LINGO2: variants seen among roughly 807,000 people sequenced by gnomAD.
LINGO2 encodes the protein leucine rich repeat and Ig domain containing 2.
A neutral mutation model predicts 30.6 loss-of-function variants in LINGO2; 14 were observed. The observed-to-expected ratio is 0.46, with a 90% CI of 0.30 to 0.72. The LOEUF (loss-of-function observed/expected upper bound fraction) is 0.72, where lower values mean the gene tolerates loss of function less well. Among genes scored for constraint, LINGO2 ranks in the 30% least tolerant of loss-of-function variants. The pLI is 0.07. For synonymous variants in LINGO2, 317 were observed against 288.5 expected, an observed-to-expected ratio of 1.10 and a Z score of -1.00; for missense variants, 729 against 751.7, an observed-to-expected ratio of 0.97 and a Z score of 0.35.
chr9:28,861,437 T>C, the LINGO2 span, among the ~76,000 whole-genome samples: 1 of 146,172 alleles, frequency 6.8e-6, no homozygotes, highest in African/African-American at 2.5e-5. Context: ...TAAACATATC[T>C]ATTCTCATAT....
chr9:28,551,913 C>G (rs1421558852), intron 1 of LINGO2, among the ~76,000 whole-genome samples: 2 of 151,998 alleles, frequency 1.3e-5, no homozygotes, highest in African/African-American at 2.4e-5. Context: ...GATATAAGCA[C>G]TATTTACAGG....
At chr9:28,986,121 TC>T in the LINGO2 span, among the ~76,000 whole-genome samples, 3 of 152,228 alleles carry the variant, frequency 2.0e-5, no homozygotes, top group South Asian at 6.2e-4. Context: ...GCTATATTAT[TC>T]TTTTTATGTG....
At chr9:28,356,997 T>C (rs148350160) in intron 3 of LINGO2, among the ~76,000 whole-genome samples, 1 of 152,104 alleles carries the variant, frequency 6.6e-6, no homozygotes, top group South Asian at 2.1e-4. Flanking sequence ...ATTATTTAAA[T>C]ATACATATCT....
At chr9:29,036,705 C>A in the LINGO2 span, among the ~76,000 whole-genome samples, 1 of 151,800 alleles carries the variant, frequency 6.6e-6, no homozygotes, top group African/African-American at 2.4e-5. Context: ...AAAAAATATG[C>A]CTTTTTATTT....
At chr9:28,097,479 T>C (rs551107909) in intron 4 of LINGO2, among the ~76,000 whole-genome samples, 1 of 145,196 alleles carries the variant, frequency 6.9e-6, no homozygotes, top group Non-Finnish European at 1.5e-5. Flanking sequence ...ATGTGGCACA[T>C]ATACACCATG....
At chr9:28,561,067 C>T (rs1823029914) in intron 1 of LINGO2, among the ~76,000 whole-genome samples, 1 of 152,024 alleles carries the variant, frequency 6.6e-6, no homozygotes, top group South Asian at 2.1e-4. Context: ...GCCAGCTCTT[C>T]TGTTGAAATT....
intron 4 of LINGO2, among the ~76,000 whole-genome samples, chr9:28,065,511 G>A (rs1294025646): frequency 1.3e-5 from 2 of 152,082 alleles, no homozygotes; most frequent in African/African-American, 4.8e-5. Flanking sequence ...TGGATGTTTA[G>A]TACCTTTTTA....
At chr9:28,805,569 T>C in the LINGO2 span, among the ~76,000 whole-genome samples, 1 of 152,190 alleles carries the variant, frequency 6.6e-6, no homozygotes, top group African/African-American at 2.4e-5. Context: ...TAAATTCCAA[T>C]CCATCTTGTG....
intron 5 of LINGO2, among the ~76,000 whole-genome samples, chr9:27,961,311 C>T (rs765626192): frequency 2.6e-5 from 4 of 152,122 alleles, no homozygotes; most frequent in African/African-American, 4.8e-5. Flanking sequence ...ATATCTTCAT[C>T]GCAGTCAACT....
chr9:29,190,881 G>A, the LINGO2 span, among the ~76,000 whole-genome samples: 1 of 152,092 alleles, frequency 6.6e-6, no homozygotes, highest in Non-Finnish European at 1.5e-5. Flanking sequence ...GTGATTTCCA[G>A]TGCTAATCAT....
chr9:28,542,265 T>C (rs1202496065), intron 1 of LINGO2, among the ~76,000 whole-genome samples: 3 of 151,316 alleles, frequency 2.0e-5, no homozygotes, highest in Non-Finnish European at 4.4e-5. Flanking sequence ...ATAGGTAAGG[T>C]AGATCCTGAA....
the LINGO2 span, among the ~76,000 whole-genome samples, chr9:28,881,372 C>T: frequency 2.0e-5 from 3 of 152,200 alleles, no homozygotes; most frequent in Admixed American, 6.5e-5. Context: ...GATCCACCCG[C>T]CTCAGCCTCC....
chr9:28,082,759 CTCTT>C (rs1367198710), intron 4 of LINGO2, among the ~76,000 whole-genome samples: 1 of 152,276 alleles, frequency 6.6e-6, no homozygotes, highest in East Asian at 1.9e-4. Flanking sequence ...CTCTCTGGAT[CTCTT>C]TCTCTCCCTC....
intron 3 of LINGO2, among the ~76,000 whole-genome samples, chr9:28,372,297 A>G (rs915652679): frequency 6.6e-6 from 1 of 152,234 alleles, no homozygotes; most frequent in South Asian, 2.1e-4. Context: ...AAAGCTAAGG[A>G]TATATTTCTC....
chr9:28,858,914 C>T, the LINGO2 span, among the ~76,000 whole-genome samples: 1 of 151,938 alleles, frequency 6.6e-6, no homozygotes, highest in Non-Finnish European at 1.5e-5. Flanking sequence ...CTGAAATTTC[C>T]CCTTGCGTGT....
At chr9:28,928,303 C>A in the LINGO2 span, among the ~76,000 whole-genome samples, 2 of 152,142 alleles carry the variant, frequency 1.3e-5, no homozygotes, top group Non-Finnish European at 2.9e-5. Flanking sequence ...GTAATATTCT[C>A]ATGGAATAAA....
the LINGO2 span, among the ~76,000 whole-genome samples, chr9:28,769,214 A>G: frequency 1.3e-5 from 2 of 151,498 alleles, no homozygotes; most frequent in African/African-American, 4.8e-5. Context: ...TTAATTCTAT[A>G]GGCAAGTATA....
chr9:28,492,497 C>T (rs1826438222), intron 1 of LINGO2, among the ~76,000 whole-genome samples: 2 of 152,108 alleles, frequency 1.3e-5, no homozygotes, highest in East Asian at 3.9e-4. Flanking sequence ...CATAACATAG[C>T]TTTAGGTGAC....
the LINGO2 span, among the ~76,000 whole-genome samples, chr9:29,048,416 A>G: frequency 2.0e-5 from 3 of 152,020 alleles, no homozygotes; most frequent in Non-Finnish European, 4.4e-5. Flanking sequence ...CTACAGCTTC[A>G]ATGCAATCCC....
Sources: gnomAD v4.1 joint callset for allele counts (sites outside exome capture counted in the v4.1 genomes callset) on GRCh38, gnomAD v4.1.1 for gene constraint, MANE v1.5 for transcripts, NCBI Gene and HGNC (gene_info 2026-07-23, HGNC 2026-07-21) for gene names.